Variants in ATXN7L1 observed in about 807,000 individuals in gnomAD.
ATXN7L1 encodes the protein ataxin-7-like protein 1.
In ATXN7L1, 15 loss-of-function variants were observed where a neutral mutation model predicts 70.8. That is an observed-to-expected ratio of 0.21 (90% CI 0.14 to 0.33). The LOEUF is 0.33. Among genes scored for constraint, ATXN7L1 ranks in the 10% least tolerant of loss-of-function variants. The pLI, the probability that ATXN7L1 is intolerant of heterozygous loss-of-function variation, is 1.00. For missense variants in ATXN7L1, 975 were observed against 1,097.1 expected, an observed-to-expected ratio of 0.89 and a Z score of 1.57; for synonymous variants, 440 against 445.1, an observed-to-expected ratio of 0.99 and a Z score of 0.14.
intron 3 of ATXN7L1, among the ~76,000 whole-genome samples, chr7:105,696,128 G>A (rs1477601949): frequency 2.6e-5 from 4 of 152,294 alleles, no homozygotes; most frequent in Middle Eastern, 3.4e-3. Context: ...ACATACACCC[G>A]AAGGTCAGGG....
chr7:105,606,048 AC>A lies in ATXN7L1; in HGVS notation c.*1803del, dbSNP rs1792750743. 1 of 151,744 alleles carries A rather than the reference AC, an allele frequency of 6.6e-6. No individual in the cohort carries two copies. Among genetic ancestry groups the A allele is most frequent in the South Asian group, 2.1e-4 (1 of 4,824 alleles). The allele number at this position is 151,744 out of a possible 1,614,324, so 9.4% of individuals were successfully genotyped here. On this transcript the variant is annotated 3_prime_UTR_variant, in exon 12 of 12. Transcript: ENST00000419735. ...ATTTATAAGTCTTAAAATCTCCTTAACCTTTTTTTTTTAAAAAAAGAAAAAG... is the reference window on the plus strand; with the variant it reads ...ATTTATAAGTCTTAAAATCTCCTTAACTTTTTTTTTTAAAAAAAGAAAAAG...
chr7:105,835,243 A>C (rs1812207141), intron 2 of ATXN7L1, among the ~76,000 whole-genome samples: 1 of 135,058 alleles, frequency 7.4e-6, no homozygotes, highest in Non-Finnish European at 1.5e-5. Flanking sequence ...TAACCTCTGC[A>C]TCCCGGGCTC....
intron 2 of ATXN7L1, among the ~76,000 whole-genome samples, chr7:105,796,602 T>C (rs1017440271): frequency 2.6e-5 from 4 of 152,158 alleles, no homozygotes; most frequent in East Asian, 1.9e-4. Context: ...ACAGCAACTG[T>C]AGTTCAAGGA....
intron 3 of ATXN7L1, among the ~76,000 whole-genome samples, chr7:105,686,775 C>T (rs182192851): frequency 1.8e-4 from 28 of 152,254 alleles, no homozygotes; most frequent in Admixed American, 7.2e-4. Context: ...CACTTCTGTA[C>T]CATCTTGAAA....
At chr7:105,800,450 T>C (rs1806642011) in intron 2 of ATXN7L1, among the ~76,000 whole-genome samples, 1 of 152,258 alleles carries the variant, frequency 6.6e-6, no homozygotes, top group Non-Finnish European at 1.5e-5. Flanking sequence ...CACGCTCCTC[T>C]GCATCTTAGT....
intron 10 of ATXN7L1, 31 bp from the exon 11 acceptor site, chr7:105,610,634 C>A: frequency 6.5e-7 from 1 of 1,539,554 alleles, no homozygotes. Flanking sequence ...CCCACTCAGA[C>A]ACACGAGCCA....
intron 2 of ATXN7L1, chr7:105,819,883 A>T: frequency 1.7e-6 from 1 of 579,614 alleles, no homozygotes; most frequent in Non-Finnish European, 3.3e-6. Flanking sequence ...TCTGAAGCCT[A>T]CAAGAAACTT....
At position 105,875,891 on chromosome 7, in the gene ATXN7L1, A is replaced by G. The variant is rs756652507; in HGVS notation, c.182-11T>C. On this transcript the variant is annotated splice_polypyrimidine_tract_variant and intron_variant, in intron 1 of 11. Coordinates refer to ENST00000419735, the MANE Select transcript of ATXN7L1 (RefSeq NM_020725.2). ...CTTCTAAATCTACATCTGCAGATGA[A>G]AAAGAAAAGGAAAACAGAAAATAAG... 1.2e-6 allele frequency: 2 copies of G among 1,611,542 alleles called. No homozygotes were observed. Among genetic ancestry groups the G allele is most frequent in the South Asian group, 2.2e-5 (2 of 90,892 alleles).
At chr7:105,821,390 T>G (rs531744583) in intron 2 of ATXN7L1, among the ~76,000 whole-genome samples, 3 of 152,318 alleles carry the variant, frequency 2.0e-5, no homozygotes, top group African/African-American at 7.2e-5. Flanking sequence ...TTTATAGTCA[T>G]GCAAAAAAAC....
At chr7:105,692,428 C>CCTTCCCTCCCTCCCTCCCTCCTT in intron 3 of ATXN7L1, among the ~76,000 whole-genome samples, 1 of 53,790 alleles carries the variant, frequency 1.9e-5, no homozygotes, top group African/African-American at 9.5e-5. Flanking sequence ...CTTCCTTCCT[C>CCTTCCCTCCCTCCCTCCCTCCTT]CCTCCCTCCC....
chr7:105,689,262 T>C (rs1790413913), intron 3 of ATXN7L1, among the ~76,000 whole-genome samples: 2 of 152,050 alleles, frequency 1.3e-5, no homozygotes, highest in South Asian at 4.1e-4. Flanking sequence ...TCACTGGGGC[T>C]GGGGTGGAGG....
intron 3 of ATXN7L1, among the ~76,000 whole-genome samples, chr7:105,765,670 A>T (rs1330402975): frequency 6.6e-6 from 1 of 152,232 alleles, no homozygotes; most frequent in Non-Finnish European, 1.5e-5. Context: ...GCTAAAGCTT[A>T]AACTGTGGGA....
chr7:105,735,832 G>C (rs972619), intron 3 of ATXN7L1, among the ~76,000 whole-genome samples: 31,215 of 151,884 alleles, frequency 0.21, 3,411 homozygotes, highest in East Asian at 0.33. Context: ...AGGTATACAG[G>C]AATATAATTA....
At position 105,853,042 on chromosome 7, in the gene ATXN7L1, C is replaced by CA. The variant is rs564948489; in HGVS notation, c.250+22769_250+22770insT. On this transcript the variant is annotated intron_variant, in intron 2 of 11. Transcript: ENST00000419735. ...TAGGAACAGAAAGTAGAATAGAGAA[C>CA]GTAGAACAGGTACCAAGGCTGAGGG... Among the ~76,000 whole-genome samples the CA allele has an allele frequency of 1.9e-3, 291 of 151,964 alleles. 2 individuals are homozygous for CA. Among genetic ancestry groups the CA allele is most frequent in the African/African-American group, 6.8e-3 (280 of 41,438 alleles).
intron 3 of ATXN7L1, among the ~76,000 whole-genome samples, chr7:105,748,474 C>T (rs753561620): frequency 1.3e-5 from 2 of 152,154 alleles, no homozygotes; most frequent in African/African-American, 2.4e-5. Context: ...CTCTGTAGTT[C>T]CATTTGATTG....
At chr7:105,867,201 T>G (rs181529521) in intron 2 of ATXN7L1, among the ~76,000 whole-genome samples, 1 of 152,230 alleles carries the variant, frequency 6.6e-6, no homozygotes, top group East Asian at 1.9e-4. Context: ...TCCCCTGCCC[T>G]TTGTACCTTC....
chr7:105,612,670 A>G (rs2115723477), intron 10 of ATXN7L1, among the ~76,000 whole-genome samples: 1 of 152,170 alleles, frequency 6.6e-6, no homozygotes, highest in Non-Finnish European at 1.5e-5. Flanking sequence ...CTCGAGCGAG[A>G]GGACCTGTGT....
chr7:105,833,630 C>T (rs1811958282), intron 2 of ATXN7L1, among the ~76,000 whole-genome samples: 1 of 152,178 alleles, frequency 6.6e-6, no homozygotes. Flanking sequence ...TTTGTCAAAA[C>T]TCAGAGAAAG....
Position 105,606,672 on chromosome 7 carries a change from G to A in ATXN7L1, c.*1180C>T, listed in dbSNP as rs1792778298. ...CCAAATGGCTGTTCTTCACTGAGCAGTGGCTGTCCTTACCATTCCTTCATG... is the reference window on the plus strand; with the variant it reads ...CCAAATGGCTGTTCTTCACTGAGCAATGGCTGTCCTTACCATTCCTTCATG... On this transcript the variant is annotated 3_prime_UTR_variant, in exon 12 of 12. Coordinates refer to ENST00000419735, the MANE Select transcript of ATXN7L1 (RefSeq NM_020725.2). 1 of 152,312 alleles carries A rather than the reference G, an allele frequency of 6.6e-6. No individual in the cohort carries two copies. Among genetic ancestry groups the A allele is most frequent in the Non-Finnish European group, 1.5e-5 (1 of 68,132 alleles). The allele number at this position is 152,312 out of a possible 1,614,324, so 9.4% of individuals were successfully genotyped here.
Sources: gnomAD v4.1 joint callset for allele counts (sites outside exome capture counted in the v4.1 genomes callset) on GRCh38, gnomAD v4.1.1 for gene constraint, MANE v1.5 for transcripts, NCBI Gene and HGNC (gene_info 2026-07-23, HGNC 2026-07-21) for gene names.